FSTL5: variants seen among roughly 807,000 people sequenced by gnomAD.
The protein encoded by FSTL5 is follistatin like 5.
A neutral mutation model predicts 89.1 loss-of-function variants in FSTL5; 62 were observed. The observed-to-expected ratio is 0.70, with a 90% CI of 0.57 to 0.86. The LOEUF is 0.86. Ranked by LOEUF, FSTL5 falls within the 40% of genes least tolerant of loss-of-function variation. FSTL5 has a pLI of 0.00. For missense variants in FSTL5, 1,057 were observed against 1,001.6 expected, an observed-to-expected ratio of 1.06 and a Z score of -0.75; for synonymous variants, 383 against 346.2, an observed-to-expected ratio of 1.11 and a Z score of -1.18.
At chr4:162,001,863 T>C (rs1736474246) in intron 3 of FSTL5, among the ~76,000 whole-genome samples, 2 of 152,260 alleles carry the variant, frequency 1.3e-5, no homozygotes, top group East Asian at 3.9e-4. Context: ...CTTTTCTTTT[T>C]CTTTAAAATT....
intron 7 of FSTL5, among the ~76,000 whole-genome samples, chr4:161,598,701 C>T (rs6536600): frequency 0.59 from 89,157 of 151,782 alleles, 26,447 homozygotes; most frequent in East Asian, 0.77. Flanking sequence ...TGATATGTGA[C>T]AGACATAGCA....
At chr4:161,880,294 T>C (rs1046050430) in intron 4 of FSTL5, among the ~76,000 whole-genome samples, 1 of 152,042 alleles carries the variant, frequency 6.6e-6, no homozygotes, top group African/African-American at 2.4e-5. Flanking sequence ...TTAATATTAA[T>C]ATTAATGTTT....
At chr4:161,615,490 A>G (rs1229242940) in intron 7 of FSTL5, among the ~76,000 whole-genome samples, 1 of 151,092 alleles carries the variant, frequency 6.6e-6, no homozygotes, top group Non-Finnish European at 1.5e-5. Flanking sequence ...CAGGCCTTCT[A>G]AATAAATATG....
intron 3 of FSTL5, among the ~76,000 whole-genome samples, chr4:161,984,608 TA>T (rs1717548763): frequency 6.6e-6 from 1 of 152,102 alleles, no homozygotes; most frequent in African/African-American, 2.4e-5. Context: ...CTAGTCTCTC[TA>T]ACTCCTGGGC....
chr4:161,398,002 A>C lies in FSTL5; in HGVS notation c.1842-11553T>G, dbSNP rs149995282. 8.5e-5 allele frequency among the ~76,000 whole-genome samples: 13 copies of C among 152,184 alleles called. No individual in the cohort carries two copies. In the East Asian group the frequency reaches 2.5e-3, roughly 29 times the overall value. On this transcript the variant is annotated intron_variant, in intron 15 of 15. Coordinates refer to ENST00000306100, the MANE Select transcript of FSTL5 (RefSeq NM_020116.5). ...TTAGCAACAACAATAAAGTGTGTTA[A>C]GATCCAAGACTGCTAAGGAAGTGAA... is the stretch of plus-strand genomic sequence containing the variant.
At chr4:161,455,506 C>T (rs1733323216) in intron 14 of FSTL5, among the ~76,000 whole-genome samples, 1 of 152,224 alleles carries the variant, frequency 6.6e-6, no homozygotes, top group Admixed American at 6.5e-5. Context: ...TATAACATAA[C>T]TGGCAACATA....
At chr4:162,088,936 T>A (rs959110621) in intron 2 of FSTL5, among the ~76,000 whole-genome samples, 10 of 152,150 alleles carry the variant, frequency 6.6e-5, no homozygotes, top group African/African-American at 2.2e-4. Flanking sequence ...AAAGCATGTG[T>A]AGGATACTTG....
chr4:161,656,364 A>G lies in FSTL5; in HGVS notation c.858T>C (p.Asn286=). The G allele has an allele frequency of 3.8e-6, 6 of 1,599,966 alleles. No homozygotes were observed. The highest frequency in any genetic ancestry group is 5.1e-6 in the Non-Finnish European group (6 of 1,168,754). The change falls in exon 7 of 16, where the codon AAT becomes AAC. Residue 286 remains asparagine, a synonymous_variant. Coordinates refer to ENST00000306100, the MANE Select transcript of FSTL5 (RefSeq NM_020116.5). ...LRPPIIWKRN[N]IILNNLDLED... Reference sequence around the variant, plus strand: ...CCAAATCTAAATTATTTAGAATAATATTGTTCCTTTTCCAGATAATGGGAG... The same window carrying G: ...CCAAATCTAAATTATTTAGAATAATGTTGTTCCTTTTCCAGATAATGGGAG...
At chr4:162,137,155 T>C (rs1174870183) in intron 1 of FSTL5, among the ~76,000 whole-genome samples, 2 of 152,132 alleles carry the variant, frequency 1.3e-5, no homozygotes, top group East Asian at 3.8e-4. Flanking sequence ...GTCATCATCA[T>C]AATTCTCTGA....
intron 7 of FSTL5, among the ~76,000 whole-genome samples, chr4:161,599,722 A>T (rs563673968): frequency 6.6e-6 from 1 of 152,206 alleles, no homozygotes; most frequent in Admixed American, 6.6e-5. Flanking sequence ...CAATGTGTGT[A>T]TATGGCCATA....
At chr4:161,931,344 T>C (rs1238526948) in intron 3 of FSTL5, among the ~76,000 whole-genome samples, 1 of 151,500 alleles carries the variant, frequency 6.6e-6, no homozygotes, top group Non-Finnish European at 1.5e-5. Flanking sequence ...ATAGTGTGAG[T>C]CAAACAAGAA....
intron 2 of FSTL5, among the ~76,000 whole-genome samples, chr4:162,058,971 C>G (rs968128332): frequency 7.2e-5 from 11 of 152,152 alleles, no homozygotes; most frequent in African/African-American, 2.4e-4. Flanking sequence ...ATTCTTTACC[C>G]TTGGACTAGT....
intron 4 of FSTL5, among the ~76,000 whole-genome samples, chr4:161,915,551 G>A (rs1192042155): frequency 6.6e-6 from 1 of 151,866 alleles, no homozygotes; most frequent in African/African-American, 2.4e-5. Context: ...AAATATGTAA[G>A]GTTTCACATC....
chr4:161,592,970 A>G (rs1177748800), intron 7 of FSTL5, among the ~76,000 whole-genome samples: 1 of 152,178 alleles, frequency 6.6e-6, no homozygotes, highest in African/African-American at 2.4e-5. Flanking sequence ...ATACTTTACT[A>G]TAAAGAGTCT....
At chr4:161,429,189 T>C (rs755059546) in intron 15 of FSTL5, among the ~76,000 whole-genome samples, 17 of 152,098 alleles carry the variant, frequency 1.1e-4, no homozygotes, top group Non-Finnish European at 2.5e-4. Context: ...GGCAGCTTAG[T>C]TGCAGTAGAA....
chr4:162,001,598 TTGTG>T (rs34546507), intron 3 of FSTL5, among the ~76,000 whole-genome samples: 11,650 of 149,958 alleles, frequency 0.078, 576 homozygotes, highest in African/African-American at 0.15. Context: ...GATACATGCA[TTGTG>T]TGTGTGTGTG....
chr4:162,023,814 T>A (rs1223716781), intron 3 of FSTL5, among the ~76,000 whole-genome samples: 1 of 152,152 alleles, frequency 6.6e-6, no homozygotes, highest in African/African-American at 2.4e-5. Flanking sequence ...GAATTAACCA[T>A]AGGGGAAGAC....
intron 15 of FSTL5, among the ~76,000 whole-genome samples, chr4:161,396,487 C>CAAAAAAAAAAAAAA (rs539749954): frequency 9.4e-6 from 1 of 106,780 alleles, no homozygotes; most frequent in African/African-American, 3.5e-5. Flanking sequence ...ACTAAAAATA[C>CAAAAAAAAAAAAAA]AAAAAAAAAA....
At chr4:161,635,028 T>C (rs1735638033) in intron 7 of FSTL5, among the ~76,000 whole-genome samples, 1 of 146,060 alleles carries the variant, frequency 6.8e-6, no homozygotes, top group South Asian at 2.2e-4. Context: ...CAATTATACC[T>C]CAATAAAGCT....
Sources: gnomAD v4.1 joint callset for allele counts (sites outside exome capture counted in the v4.1 genomes callset) on GRCh38, gnomAD v4.1.1 for gene constraint, MANE v1.5 for transcripts, NCBI Gene and HGNC (gene_info 2026-07-23, HGNC 2026-07-21) for gene names.